RMDN3: variants seen among roughly 807,000 people sequenced by gnomAD.
RMDN3 encodes the protein regulator of microtubule dynamics protein 3.
Under a neutral mutation model 61.8 loss-of-function variants are expected in RMDN3, and 41 were observed. That is an observed-to-expected ratio of 0.66 (90% CI 0.52 to 0.86). The LOEUF (loss-of-function observed/expected upper bound fraction) is 0.86. Among genes scored for constraint, RMDN3 ranks in the 40% least tolerant of loss-of-function variants. The pLI is 0.00. For synonymous variants in RMDN3, 247 were observed against 232.0 expected, an observed-to-expected ratio of 1.06 and a Z score of -0.59; for missense variants, 557 against 585.3, an observed-to-expected ratio of 0.95 and a Z score of 0.50.
intron 12 of RMDN3, among the ~76,000 whole-genome samples, 178 bp from the exon 13 acceptor site, chr15:40,736,772 C>CTTTTT (rs1416825594): frequency 6.6e-6 from 1 of 152,134 alleles, no homozygotes; most frequent in African/African-American, 2.4e-5. Flanking sequence ...GAGGTAGACT[C>CTTTTT]TTTTTTACTA....
chr15:40,753,601 A>C (rs765560428), intron 2 of RMDN3, among the ~76,000 whole-genome samples: 1 of 152,222 alleles, frequency 6.6e-6, no homozygotes, highest in Non-Finnish European at 1.5e-5. Flanking sequence ...CCAGCCCTAG[A>C]TCCTTTGCTC....
intron 7 of RMDN3, 158 bp from the exon 8 acceptor site, chr15:40,738,734 TACGG>T: frequency 1.5e-6 from 1 of 665,488 alleles, no homozygotes; most frequent in Non-Finnish European, 2.6e-6. Context: ...CCCCATTCTT[TACGG>T]ACCTCTGGCC....
intron 6 of RMDN3, among the ~76,000 whole-genome samples, chr15:40,741,077 C>CAA (rs757851447): frequency 6.7e-6 from 1 of 149,522 alleles, no homozygotes; most frequent in Admixed American, 6.7e-5. Flanking sequence ...AACTCCACCT[C>CAA]AAAAAAAACA....
At chr15:40,752,747 G>A (rs1555379734) in intron 2 of RMDN3, among the ~76,000 whole-genome samples, 1 of 152,112 alleles carries the variant, frequency 6.6e-6, no homozygotes, top group Non-Finnish European at 1.5e-5. Flanking sequence ...GAAAGACACC[G>A]TCACTAAGCC....
At chr15:40,750,221 T>C (rs975846039) in intron 4 of RMDN3, among the ~76,000 whole-genome samples, 1 of 146,622 alleles carries the variant, frequency 6.8e-6, no homozygotes, top group East Asian at 2.0e-4. Context: ...TTTTTTTTTT[T>C]TTTTTTTTTT....
Position 40,754,729 on chromosome 15 carries a change from C to T in RMDN3, c.55G>A (p.Gly19Ser). 6.2e-7 allele frequency: 1 copy of T among 1,613,496 alleles called. No individual in the cohort carries two copies. Among genetic ancestry groups the T allele is most frequent in the Non-Finnish European group, 8.5e-7 (1 of 1,179,860 alleles). ...AGGAATCCAAGGCCGGCGGCGGTACCCAGCAACAGTCCCAGCCCGGCACGG... is the reference window on the plus strand; with the variant it reads ...AGGAATCCAAGGCCGGCGGCGGTACTCAGCAACAGTCCCAGCCCGGCACGG... ...GARAGLGLLL[G>S]TAAGLGFLCL... Residue 19 changes from glycine (G) to serine (S), a missense_variant, in exon 2 of 13, where the codon GGT becomes AGT. Transcript: ENST00000338376.
Position 40,752,181 on chromosome 15 carries a change from G to A in RMDN3, c.188-3C>T, listed in dbSNP as rs1209068541. On this transcript the variant is annotated splice_region_variant and splice_polypyrimidine_tract_variant and intron_variant, in intron 2 of 12. Transcript: ENST00000338376. Reference sequence around the variant, plus strand: ...TGGGACAGCCCGCAGGAGCATCACTGAAGGGGGAAACGAATGGGAGCCAGT... The same window carrying A: ...TGGGACAGCCCGCAGGAGCATCACTAAAGGGGGAAACGAATGGGAGCCAGT... The A allele has an allele frequency of 1.2e-6, 2 of 1,610,782 alleles. No individual in the cohort carries two copies. Among genetic ancestry groups the A allele is most frequent in the African/African-American group, 2.7e-5 (2 of 74,836 alleles).
In RMDN3 at chr15:40,737,107, G is replaced by A; in HGVS notation, c.1359+17C>T. The stretch of plus-strand genomic sequence containing the variant: ...CTTCAGGTGATCTGCCCAACAGGCA[G>A]TATTAAAAAGCCTTACCTCCTTCGT... On this transcript the variant is annotated intron_variant, in intron 12 of 12. Coordinates refer to ENST00000338376, the MANE Select transcript of RMDN3 (RefSeq NM_018145.3). 6.2e-7 allele frequency: 1 copy of A among 1,603,450 alleles called. No homozygotes were observed. The highest frequency in any genetic ancestry group is 1.3e-5 in the African/African-American group (1 of 74,790).
intron 4 of RMDN3, 126 bp downstream of exon 4, chr15:40,751,300 A>G (rs1897809293): frequency 8.3e-7 from 1 of 1,198,950 alleles, no homozygotes; most frequent in African/African-American, 1.5e-5. Context: ...ACTCTTCTGT[A>G]TTTATTATAC....
At chr15:40,746,468 G>C (rs1897564712) in intron 4 of RMDN3, among the ~76,000 whole-genome samples, 1 of 145,040 alleles carries the variant, frequency 6.9e-6, no homozygotes, top group African/African-American at 2.6e-5. Context: ...AGTGAGCGGA[G>C]ATCACACCAC....
At chr15:40,750,615 A>G (rs1435668145) in intron 4 of RMDN3, among the ~76,000 whole-genome samples, 2 of 152,112 alleles carry the variant, frequency 1.3e-5, no homozygotes, top group Non-Finnish European at 2.9e-5. Context: ...CCACACCTGG[A>G]CTGATTTTAA....
chr15:40,751,974 C>T lies in RMDN3; in HGVS notation c.380+12G>A, dbSNP rs759686219. 30 of 1,611,098 alleles carry T rather than the reference C, an allele frequency of 1.9e-5. No homozygotes were observed. The highest frequency in any genetic ancestry group is 1.7e-4 in the Admixed American group (10 of 59,848). ...GGAGGGATAAAGCAGGAGAAGAAGC[C>T]GCATTACTCACCGGACCTCCCCAAC... On this transcript the variant is annotated intron_variant, in intron 3 of 12. Coordinates refer to ENST00000338376, the MANE Select transcript of RMDN3 (RefSeq NM_018145.3).
At chr15:40,751,162 AAC>A (rs1897803773) in intron 4 of RMDN3, among the ~76,000 whole-genome samples, 1 of 152,262 alleles carries the variant, frequency 6.6e-6, no homozygotes, top group African/African-American at 2.4e-5. Context: ...TCCTTGTGAT[AAC>A]ACAGAAAAAT....
chr15:40,745,036 T>A lies in RMDN3; in HGVS notation c.748A>T (p.Arg250Trp). The A allele has an allele frequency of 6.2e-7, 1 of 1,614,110 alleles. No individual in the cohort carries two copies. The highest frequency in any genetic ancestry group is 8.5e-7 in the Non-Finnish European group (1 of 1,179,996). ...TCCCGCTTGCCTTGCTCATCACCCC[T>A]GTGCAGCTCGTCGGCCTGCTGCAGG... The part of the protein sequence containing the change: ...PLLQQADELH[R>W]GDEQGKREGF... The change falls in exon 5 of 13, where the codon AGG becomes TGG. Residue 250 changes from arginine (R) to tryptophan (W), a missense_variant. By Grantham distance (101) the Arg-to-Trp change is moderately radical. Coordinates refer to ENST00000338376, the MANE Select transcript of RMDN3 (RefSeq NM_018145.3).
At position 40,737,122 on chromosome 15, in the gene RMDN3, A is replaced by AC. The variant is rs1174211527; in HGVS notation, c.1359+1dup. 6.2e-7 allele frequency: 1 copy of AC among 1,613,152 alleles called. No homozygotes were observed. Among genetic ancestry groups the AC allele is most frequent in the East Asian group, 2.2e-5 (1 of 44,874 alleles). ...CCAACAGGCAGTATTAAAAAGCCTT[A>AC]CCTCCTTCGTGACATCTGGCAGCTC... is the stretch of plus-strand genomic sequence containing the variant. On this transcript the variant is annotated splice_donor_variant, in intron 12 of 12. Coordinates refer to ENST00000338376, the MANE Select transcript of RMDN3 (RefSeq NM_018145.3). LOFTEE classifies it high-confidence loss of function.
chr15:40,737,062 A>G lies in RMDN3; in HGVS notation c.1359+62T>C. 5 of 1,315,004 alleles carry G rather than the reference A, an allele frequency of 3.8e-6. No homozygotes were observed. The South Asian group carries it at 4.7e-5, about 12-fold the overall frequency. The allele number at this position is 1,315,004 out of a possible 1,614,324, so 81.5% of individuals were successfully genotyped here. A position where few individuals can be genotyped will look rare whatever the true frequency, so the allele number is the denominator to read the frequency against. ...GAGATGGGGTTTCTCCATGTTGGTCAGGCTGTCTCGAACTCCCGACTTCAG... is the reference window on the plus strand; with the variant it reads ...GAGATGGGGTTTCTCCATGTTGGTCGGGCTGTCTCGAACTCCCGACTTCAG... On this transcript the variant is annotated intron_variant, in intron 12 of 12. Coordinates refer to ENST00000338376, the MANE Select transcript of RMDN3 (RefSeq NM_018145.3).
In RMDN3 at chr15:40,744,035, GTCAGCACTTACCA is replaced by G. The variant is rs768397175; in HGVS notation, c.909_910+11del. On this transcript the variant is annotated splice_donor_variant and splice_donor_5th_base_variant and coding_sequence_variant and intron_variant, in exon 6 of 13. Transcript: ENST00000338376. LOFTEE classifies it high-confidence loss of function. ...GTCAGTCACCTTCCCACAGGAAGCT[GTCAGCACTTACCA>G]TCTAGGGCATATGACTTCTTCTCGC... 1 of 1,605,624 alleles carries G rather than the reference GTCAGCACTTACCA, an allele frequency of 6.2e-7. No homozygotes were observed.
At chr15:40,745,481 T>G (rs1297254645) in intron 4 of RMDN3, among the ~76,000 whole-genome samples, 1 of 151,178 alleles carries the variant, frequency 6.6e-6, no homozygotes, top group African/African-American at 2.4e-5. Flanking sequence ...GGTTCGATCT[T>G]GGCTCACTCA....
chr15:40,742,944 C>A (rs550518070), intron 6 of RMDN3, among the ~76,000 whole-genome samples: 30 of 152,170 alleles, frequency 2.0e-4, no homozygotes, highest in Non-Finnish European at 2.5e-4. Context: ...GTTAAAACTT[C>A]CAGGAATTTT....
Sources: gnomAD v4.1 joint callset for allele counts (sites outside exome capture counted in the v4.1 genomes callset) on GRCh38, gnomAD v4.1.1 for gene constraint, MANE v1.5 for transcripts, NCBI Gene and HGNC (gene_info 2026-07-23, HGNC 2026-07-21) for gene names.